CNTN3: variants seen among roughly 807,000 people sequenced by gnomAD.
CNTN3 encodes the protein contactin 3, also known as contactin-3.
Under a neutral mutation model 119.1 loss-of-function variants are expected in CNTN3, and 60 were observed. That is an observed-to-expected ratio of 0.50 (90% CI 0.41 to 0.62). The LOEUF (loss-of-function observed/expected upper bound fraction) is 0.62, where lower values mean the gene tolerates loss of function less well. CNTN3 is among the 20% of genes least tolerant of loss of function. The probability of loss-of-function intolerance (pLI) is 0.00; values close to 1 mark genes in which losing one functional copy is unlikely to be tolerated. For missense variants in CNTN3, 1,101 were observed against 1,242.4 expected (o/e 0.89, Z 1.71); for synonymous variants, 450 against 438.7 (o/e 1.03, Z -0.32).
At chr3:74,484,443 C>T (rs977929139) in intron 4 of CNTN3, among the ~76,000 whole-genome samples, 13 of 151,464 alleles carry the variant, frequency 8.6e-5, no homozygotes, top group African/African-American at 2.7e-4. Flanking sequence ...AAGAATGGGA[C>T]ACAAAAAAAG....
At chr3:74,342,099 C>A (rs1703562181) in intron 11 of CNTN3, among the ~76,000 whole-genome samples, 1 of 151,972 alleles carries the variant, frequency 6.6e-6, no homozygotes, top group Non-Finnish European at 1.5e-5. Context: ...AAAGTACTCA[C>A]AATGCATATA....
intron 5 of CNTN3, among the ~76,000 whole-genome samples, chr3:74,381,926 TG>T (rs1269337288): frequency 3.3e-5 from 5 of 152,200 alleles, no homozygotes; most frequent in African/African-American, 1.2e-4. Context: ...TAATATTTAT[TG>T]GCTGGGAGTG....
chr3:74,440,259 T>C (rs1332583137), intron 4 of CNTN3, among the ~76,000 whole-genome samples: 1 of 152,216 alleles, frequency 6.6e-6, no homozygotes, highest in Non-Finnish European at 1.5e-5. Flanking sequence ...CAGAAAACAC[T>C]GCTTCGCACA....
chr3:74,599,882 C>T (rs1006294752), intron 1 of CNTN3, among the ~76,000 whole-genome samples: 3 of 152,160 alleles, frequency 2.0e-5, no homozygotes, highest in Non-Finnish European at 2.9e-5. Context: ...TAGATCTTTA[C>T]ATAATGCTGA....
At chr3:74,475,118 C>T (rs1702632018) in intron 4 of CNTN3, among the ~76,000 whole-genome samples, 1 of 152,138 alleles carries the variant, frequency 6.6e-6, no homozygotes, top group Admixed American at 6.6e-5. Flanking sequence ...AATACATGTG[C>T]CTTCTCTGGT....
intron 10 of CNTN3, 46 bp downstream of exon 10, chr3:74,364,421 A>G: frequency 6.3e-7 from 1 of 1,580,260 alleles, no homozygotes; most frequent in Non-Finnish European, 8.6e-7. Context: ...ACAATGAAGG[A>G]TTTAAGACAA....
chr3:74,529,048 T>C lies in CNTN3; in HGVS notation c.-80-7856A>G, dbSNP rs146692644. On this transcript the variant is annotated intron_variant, in intron 1 of 22. Transcript: ENST00000263665. ...ATTTGCTGTTTATAGTATATATATA[T>C]ACAGCACATATATTTATAACTATAC... Among the ~76,000 whole-genome samples, 210 of 152,020 alleles carry C rather than the reference T, an allele frequency of 1.4e-3. 1 individual carries two copies. In the Middle Eastern group the frequency reaches 0.044, roughly 32 times the overall value.
intron 5 of CNTN3, among the ~76,000 whole-genome samples, chr3:74,380,456 T>C (rs1301378261): frequency 6.6e-6 from 1 of 152,216 alleles, no homozygotes; most frequent in Non-Finnish European, 1.5e-5. Flanking sequence ...TCTTTTTCAG[T>C]TCAGTCCTGG....
chr3:74,557,638 C>A (rs768196894), intron 1 of CNTN3, among the ~76,000 whole-genome samples: 14 of 151,490 alleles, frequency 9.2e-5, no homozygotes, highest in Non-Finnish European at 2.1e-4. Flanking sequence ...GTAACATTTC[C>A]GCCAGGAACA....
At chr3:74,296,854 A>G (rs1365506420) in intron 18 of CNTN3, among the ~76,000 whole-genome samples, 3 of 150,580 alleles carry the variant, frequency 2.0e-5, no homozygotes, top group Non-Finnish European at 4.4e-5. Context: ...ACTTCAATAC[A>G]TGTTAGTTTC....
intron 1 of CNTN3, among the ~76,000 whole-genome samples, chr3:74,551,754 C>CTTTTTTTTTTTT (rs776621925): frequency 8.8e-4 from 53 of 60,186 alleles, no homozygotes; most frequent in Non-Finnish European, 1.3e-3. Context: ...TCTTCTTCTT[C>CTTTTTTTTTTTT]TTTTTTTTTT....
chr3:74,589,255 T>C (rs1015830454), intron 1 of CNTN3, among the ~76,000 whole-genome samples: 21 of 152,082 alleles, frequency 1.4e-4, no homozygotes, highest in Middle Eastern at 3.4e-3. Context: ...CAAACCAATT[T>C]ACAAGAAAAA....
At chr3:74,539,132 G>T (rs1703805090) in intron 1 of CNTN3, among the ~76,000 whole-genome samples, 2 of 152,006 alleles carry the variant, frequency 1.3e-5, no homozygotes, top group Admixed American at 1.3e-4. Context: ...CACAGACCTG[G>T]ATCTGATCAT....
chr3:74,295,711 G>A (rs1702324831), intron 18 of CNTN3, among the ~76,000 whole-genome samples: 1 of 152,178 alleles, frequency 6.6e-6, no homozygotes, highest in African/African-American at 2.4e-5. Context: ...CTGAAATGTG[G>A]TGGATGGCAT....
intron 19 of CNTN3, among the ~76,000 whole-genome samples, chr3:74,286,126 A>C (rs1169382502): frequency 3.3e-5 from 5 of 152,074 alleles, no homozygotes. Flanking sequence ...AAAAGTGTCT[A>C]GTCTGAAGGA....
intron 2 of CNTN3, among the ~76,000 whole-genome samples, chr3:74,512,186 T>C (rs1703377821): frequency 6.6e-6 from 1 of 152,178 alleles, no homozygotes; most frequent in Non-Finnish European, 1.5e-5. Flanking sequence ...TTTAATTACC[T>C]CTGACTGAGG....
rs1314520008 is a variant in CNTN3 at position 74,302,698 on chromosome 3, A to G, written c.1778T>C (p.Ile593Thr). ...VDSVSSAADL[I>T]VRGSPGPPEN... ...GGGCATAAATGTTTTACCTCTTACTATGAGGTCAGCAGCAGATGAAACACT... is the reference window on the plus strand; with the variant it reads ...GGGCATAAATGTTTTACCTCTTACTGTGAGGTCAGCAGCAGATGAAACACT... Residue 593 changes from isoleucine to threonine, a missense_variant, in exon 14 of 23, where the codon ATA (isoleucine) becomes ACA (threonine). Physicochemically the swap from Ile to Thr is moderately conservative, Grantham distance 89. Coordinates refer to ENST00000263665, the MANE Select transcript of CNTN3 (RefSeq NM_020872.3). The G allele has an allele frequency of 3.7e-6, 6 of 1,604,652 alleles. No homozygotes were observed. The highest frequency in any genetic ancestry group is 1.7e-5 in the Admixed American group (1 of 59,826).
chr3:74,574,524 T>C (rs189618283), intron 1 of CNTN3, among the ~76,000 whole-genome samples: 2 of 152,324 alleles, frequency 1.3e-5, no homozygotes, highest in Admixed American at 1.3e-4. Context: ...AAACCACGTT[T>C]AGGTTTAGTT....
At chr3:74,488,028 T>G (rs1332953575) in intron 3 of CNTN3, among the ~76,000 whole-genome samples, 2 of 149,210 alleles carry the variant, frequency 1.3e-5, no homozygotes, top group Admixed American at 1.3e-4. Context: ...TTATACTGTA[T>G]AATTATATAG....
Sources: allele counts gnomAD v4.1 joint callset (sites outside exome capture counted in the v4.1 genomes callset), GRCh38; gene constraint gnomAD v4.1.1; transcripts MANE v1.5; gene names NCBI Gene and HGNC (gene_info 2026-07-23, HGNC 2026-07-21).